The following KAT7 variants were observed in gnomAD, a reference collection of about 807,000 sequenced individuals.
The protein encoded by KAT7 is histone acetyltransferase KAT7.
In KAT7, 10 loss-of-function variants were observed where a neutral mutation model predicts 82.1. The ratio of observed to expected loss-of-function variants is 0.12; its 90% CI spans 0.08 to 0.21. KAT7 has a LOEUF of 0.21. Ranked by LOEUF, KAT7 falls within the 10% of genes least tolerant of loss-of-function variation. The pLI is 1.00. For missense variants in KAT7, 378 were observed against 760.9 expected, an observed-to-expected ratio of 0.50 and a Z score of 5.92; for synonymous variants, 250 against 262.5, an observed-to-expected ratio of 0.95 and a Z score of 0.46.
intron 8 of KAT7, among the ~76,000 whole-genome samples, chr17:49,816,624 A>G (rs1464893554): frequency 6.6e-6 from 1 of 152,148 alleles, no homozygotes; most frequent in Non-Finnish European, 1.5e-5. Flanking sequence ...AGACTTGTTG[A>G]AAACTTGGCA....
intron 1 of KAT7, among the ~76,000 whole-genome samples, chr17:49,790,739 T>C (rs1319839014): frequency 3.3e-5 from 5 of 152,344 alleles, no homozygotes; most frequent in African/African-American, 9.6e-5. Context: ...TGTTTTGTTA[T>C]TGGGTGGTAT....
chr17:49,830,208 T>TTTTTA lies in KAT7; in HGVS notation c.*2706_*2707insTTTTA, dbSNP rs778263939. The TTTTTA allele has an allele frequency of 1.2e-5, 1 of 84,152 alleles. No homozygotes were observed. The highest frequency in any genetic ancestry group is 5.8e-5 in the African/African-American group (1 of 17,178). The allele number at this position is 84,152 out of a possible 1,614,324, so 5.2% of individuals were successfully genotyped here. ...TTTTTTTTTTTTTTTTTTTTTTTTT[T>TTTTTA]AAAAAAAGACAGTCTCACTCTATCA... On this transcript the variant is annotated 3_prime_UTR_variant, in exon 15 of 15. Coordinates refer to ENST00000259021, the MANE Select transcript of KAT7 (RefSeq NM_007067.5).
Position 49,791,808 on chromosome 17 carries a change from C to T in KAT7, c.16-78C>T, listed in dbSNP as rs1691247598. On this transcript the variant is annotated intron_variant, in intron 1 of 14. Coordinates refer to ENST00000259021, the MANE Select transcript of KAT7 (RefSeq NM_007067.5). The stretch of plus-strand genomic sequence containing the variant: ...GAACTTGGGGTTTTCAGTGTCACAG[C>T]TTGTTTTATTTTCAATGTTAATGCA... 10 of 1,440,654 alleles carry T rather than the reference C, an allele frequency of 6.9e-6. No individual in the cohort carries two copies. The South Asian group carries it at 1.1e-4, about 15-fold the overall frequency. 89.2% of individuals were successfully genotyped at this position (1,440,654 alleles called of 1,614,324 possible).
At chr17:49,813,014 T>C (rs2074188599) in intron 7 of KAT7, among the ~76,000 whole-genome samples, 1 of 150,286 alleles carries the variant, frequency 6.7e-6, no homozygotes, top group South Asian at 2.1e-4. Flanking sequence ...TTTTTTTTTT[T>C]TTTTTTTTTT....
rs773955785 is a variant in KAT7 at position 49,809,212 on chromosome 17, T to C, written c.753+4T>C. On this transcript the variant is annotated splice_donor_region_variant and intron_variant, in intron 6 of 14. Transcript: ENST00000259021. ...CAGGCATGCAACCAGGCACCAGGTA[T>C]GGGCCTTGTTAAAGCACTGGCCATT... The C allele has an allele frequency of 1.9e-6, 3 of 1,610,378 alleles. No homozygotes were observed. The South Asian group carries it at 3.3e-5, about 18-fold the overall frequency.
chr17:49,817,714 G>A, intron 8 of KAT7, 106 bp from the exon 9 acceptor site: 1 of 838,082 alleles, frequency 1.2e-6, no homozygotes, highest in Non-Finnish European at 1.9e-6. Context: ...TGACCTGCCT[G>A]CCTCAGCCTC....
chr17:49,823,898 C>G (rs1419151247), intron 12 of KAT7, among the ~76,000 whole-genome samples: 1 of 152,060 alleles, frequency 6.6e-6, no homozygotes, highest in African/African-American at 2.4e-5. Context: ...CTGGGAATGC[C>G]ACATGGTTTT....
At chr17:49,815,343 C>T (rs2074221109) in intron 7 of KAT7, 1 of 152,454 alleles carries the variant, frequency 6.6e-6, no homozygotes, top group Admixed American at 6.5e-5. Flanking sequence ...TCTTTTGAGT[C>T]TAAAATCTTA....
intron 12 of KAT7, 186 bp downstream of exon 12, chr17:49,823,481 A>AG (rs1490254643): frequency 1.8e-6 from 1 of 548,452 alleles, no homozygotes; most frequent in Non-Finnish European, 3.3e-6. Context: ...TGAACATTGA[A>AG]GGAGTACAGG....
rs1170176399 is a variant in KAT7 at position 49,829,756 on chromosome 17, C to T, written c.*2254C>T. On this transcript the variant is annotated 3_prime_UTR_variant, in exon 15 of 15. Coordinates refer to ENST00000259021, the MANE Select transcript of KAT7 (RefSeq NM_007067.5). The stretch of plus-strand genomic sequence containing the variant: ...GCACAGTCCTGATCCCAGGTCTCCA[C>T]TCGCTTTGCCATCCCACTTTACTCC... 6.6e-6 allele frequency: 1 copy of T among 152,172 alleles called. No homozygotes were observed. Among genetic ancestry groups the T allele is most frequent in the East Asian group, 1.9e-4 (1 of 5,198 alleles). 9.4% of individuals were successfully genotyped at this position (152,172 alleles called of 1,614,324 possible). A position where few individuals can be genotyped will look rare whatever the true frequency, so the allele number is the denominator to read the frequency against.
chr17:49,826,640 A>T (rs760966531), intron 13 of KAT7, 53 bp from the exon 14 acceptor site: 2 of 1,218,658 alleles, frequency 1.6e-6, no homozygotes, highest in East Asian at 4.7e-5. Flanking sequence ...GTTGGGGGCA[A>T]AGGGGTGGGA....
chr17:49,790,729 T>C (rs1308344677), intron 1 of KAT7, among the ~76,000 whole-genome samples: 1 of 151,864 alleles, frequency 6.6e-6, no homozygotes, highest in African/African-American at 2.4e-5. Context: ...AATACTATTA[T>C]GTTTTGTTAT....
intron 7 of KAT7, 29 bp from the exon 8 acceptor site, chr17:49,815,774 A>C: frequency 7.8e-7 from 1 of 1,284,856 alleles, no homozygotes; most frequent in Non-Finnish European, 1.1e-6. Flanking sequence ...AGAGAGTATC[A>C]GAGTATCACG....
At chr17:49,823,356 C>A in intron 12 of KAT7, 61 bp downstream of exon 12, 1 of 926,050 alleles carries the variant, frequency 1.1e-6, no homozygotes, top group Non-Finnish European at 1.8e-6. Context: ...TATTGTTTGT[C>A]TTTTTGTCCT....
intron 1 of KAT7, chr17:49,790,094 C>T (rs1352960961): frequency 6.6e-6 from 1 of 152,184 alleles, no homozygotes; most frequent in African/African-American, 2.4e-5. Context: ...TTGCTCATAT[C>T]AATAGAAATC....
In KAT7 at chr17:49,827,821, G is replaced by A. The variant is rs1216369003; in HGVS notation, c.*319G>A. 6 of 279,394 alleles carry A rather than the reference G, an allele frequency of 2.1e-5. No individual in the cohort carries two copies. The highest frequency in any genetic ancestry group is 6.5e-5 in the African/African-American group (3 of 45,952). 17.3% of individuals were successfully genotyped at this position (279,394 alleles called of 1,614,324 possible). A position where few individuals can be genotyped will look rare whatever the true frequency, so the allele number is the denominator to read the frequency against. The stretch of plus-strand genomic sequence containing the variant: ...ACTGGTTCTCTCCTCATGTCCTCTC[G>A]CCCCATGAGGTTGTGTTGTGTCTTC... On this transcript the variant is annotated 3_prime_UTR_variant, in exon 15 of 15. Transcript: ENST00000259021.
Position 49,809,390 on chromosome 17 carries a change from TGAATGAAG to T in KAT7, c.753+187_753+194del, listed in dbSNP as rs993607113. On this transcript the variant is annotated intron_variant, in intron 6 of 14. Coordinates refer to ENST00000259021, the MANE Select transcript of KAT7 (RefSeq NM_007067.5). The stretch of plus-strand genomic sequence containing the variant: ...TCATAAAACAAACACTTCTACCTCA[TGAATGAAG>T]GAATCATGCTATCTACAGTAGTAGT... Among the ~76,000 whole-genome samples, 2 of 152,242 alleles carry T rather than the reference TGAATGAAG, an allele frequency of 1.3e-5. 1 individual carries two copies. Among genetic ancestry groups the T allele is most frequent in the African/African-American group, 4.8e-5 (2 of 41,472 alleles).
intron 11 of KAT7, 56 bp downstream of exon 11, chr17:49,821,846 C>G (rs943491718): frequency 2.7e-5 from 42 of 1,541,634 alleles, no homozygotes; most frequent in Non-Finnish European, 3.7e-5. Context: ...GATCCATGTT[C>G]GCAGTTGGGG....
chr17:49,808,713 A>G (rs544763674), intron 5 of KAT7, among the ~76,000 whole-genome samples: 2 of 152,252 alleles, frequency 1.3e-5, no homozygotes, highest in South Asian at 2.1e-4. Context: ...CAGCCTCCCA[A>G]AGTGCTGGGA....
Sources: allele counts gnomAD v4.1 joint callset (sites outside exome capture counted in the v4.1 genomes callset), GRCh38; gene constraint gnomAD v4.1.1; transcripts MANE v1.5; gene names NCBI Gene and HGNC (gene_info 2026-07-23, HGNC 2026-07-21).